PTPN23: variants seen among roughly 807,000 people sequenced by gnomAD.
PTPN23 encodes the protein tyrosine-protein phosphatase non-receptor type 23.
PTPN23 carries 72 observed loss-of-function variants against 156.3 expected under a neutral mutation model. The observed-to-expected ratio is 0.46, with a 90% CI of 0.38 to 0.56. The LOEUF is 0.56. Ranked by LOEUF, PTPN23 falls within the 20% of genes least tolerant of loss-of-function variation. The probability of loss-of-function intolerance (pLI) is 0.00; values close to 1 mark genes in which losing one functional copy is unlikely to be tolerated. For missense variants in PTPN23, 1,974 were observed against 2,171.5 expected, an observed-to-expected ratio of 0.91 and a Z score of 1.81; for synonymous variants, 957 against 899.6, an observed-to-expected ratio of 1.06 and a Z score of -1.14.
rs758419807 is a variant in PTPN23 at position 47,411,565 on chromosome 3, G to GC, written c.3773dup (p.Leu1259AlafsTer14). On this transcript the variant is annotated frameshift_variant, in exon 20 of 25. Transcript: ENST00000265562. LOFTEE classifies it high-confidence loss of function. The surrounding 1 kb of genome is among the most constrained non-coding windows in gnomAD (Gnocchi z 6.3). ...TGCGTGGAGGGGCTCTCCCCATACTGCCCCCCGCTAGTGGCAACCCAGGCC... is the reference window on the plus strand; with the variant it reads ...TGCGTGGAGGGGCTCTCCCCATACTGCCCCCCCGCTAGTGGCAACCCAGGCC... 4.3e-6 allele frequency: 7 copies of GC among 1,612,622 alleles called. No individual in the cohort carries two copies. Among genetic ancestry groups the GC allele is most frequent in the East Asian group, 4.5e-5 (2 of 44,868 alleles).
Position 47,405,612 on chromosome 3 carries a change from G to A in PTPN23, c.365-137G>A. ...TGAGTTTCCCTGTTCCCTCCAGCTT[G>A]GGTGTCCTTGGACTCGTTGCCCTGG... On this transcript the variant is annotated intron_variant, in intron 4 of 24. Coordinates refer to ENST00000265562, the MANE Select transcript of PTPN23 (RefSeq NM_015466.4). The surrounding 1 kb of genome is among the most constrained non-coding windows in gnomAD (Gnocchi z 4.7). 1 of 824,794 alleles carries A rather than the reference G, an allele frequency of 1.2e-6. No homozygotes were observed. Among genetic ancestry groups the A allele is most frequent in the East Asian group, 2.7e-5 (1 of 37,666 alleles). The allele number at this position is 824,794 out of a possible 1,614,324, so 51.1% of individuals were successfully genotyped here.
intron 2 of PTPN23, among the ~76,000 whole-genome samples, chr3:47,397,306 CAG>C (rs1226318399): frequency 6.6e-6 from 1 of 152,204 alleles, no homozygotes; most frequent in African/African-American, 2.4e-5. Flanking sequence ...ATGGTGCCGA[CAG>C]GCCTGTGTGA....
Position 47,412,346 on chromosome 3 carries a change from T to G in PTPN23, c.4242T>G (p.Ala1414=). ...ATGCAGCTGTGCAGGAGGTGGAGGC[T>G]GGGAACGGAATCCCTGAGCTGCCTC... The part of the protein sequence containing the change: ...LLYAAVQEVE[A]GNGIPELPQL... Residue 1414 remains alanine (A), a synonymous_variant, in exon 23 of 25, where the codon GCT becomes GCG. Coordinates refer to ENST00000265562, the MANE Select transcript of PTPN23 (RefSeq NM_015466.4). The G allele has an allele frequency of 6.2e-7, 1 of 1,613,306 alleles. No individual in the cohort carries two copies. Among genetic ancestry groups the G allele is most frequent in the Non-Finnish European group, 8.5e-7 (1 of 1,180,018 alleles).
intron 1 of PTPN23, among the ~76,000 whole-genome samples, chr3:47,386,045 C>G (rs961796521): frequency 3.9e-5 from 6 of 152,182 alleles, no homozygotes; most frequent in Non-Finnish European, 8.8e-5. Flanking sequence ...CATTAGGGTC[C>G]TCTCAGCCAC....
chr3:47,408,100 G>A (rs1336007225), intron 14 of PTPN23, 145 bp downstream of exon 14: 42 of 1,057,932 alleles, frequency 4.0e-5, no homozygotes, highest in Non-Finnish European at 8.4e-6. Flanking sequence ...TGGGGTGGTG[G>A]GGCTAGTGTG....
intron 1 of PTPN23, among the ~76,000 whole-genome samples, chr3:47,385,753 G>A (rs1704639875): frequency 6.6e-6 from 1 of 152,174 alleles, no homozygotes; most frequent in African/African-American, 2.4e-5. Context: ...ATCCTCAAGT[G>A]CAGGTGTACA....
intron 2 of PTPN23, among the ~76,000 whole-genome samples, chr3:47,403,372 TCCC>T (rs373111084): frequency 6.6e-6 from 1 of 152,002 alleles, no homozygotes; most frequent in East Asian, 1.9e-4. Flanking sequence ...CTTTTTTTTT[TCCC>T]CCAATAGCAT....
chr3:47,402,067 C>T (rs1469917104), intron 2 of PTPN23, among the ~76,000 whole-genome samples: 1 of 152,134 alleles, frequency 6.6e-6, no homozygotes, highest in Non-Finnish European at 1.5e-5. Flanking sequence ...AGGTGTCAAG[C>T]CATCCCCCTC....
chr3:47,405,881 A>G lies in PTPN23; in HGVS notation c.415-34A>G, dbSNP rs199646630. ...AGTATGGATGAATCCTGACCCATGG[A>G]GTGGACACAGGCCATCCTCCCACTC... On this transcript the variant is annotated intron_variant, in intron 5 of 24. Coordinates refer to ENST00000265562, the MANE Select transcript of PTPN23 (RefSeq NM_015466.4). The surrounding 1 kb of genome is among the most constrained non-coding windows in gnomAD (Gnocchi z 4.7). 90 of 1,609,584 alleles carry G rather than the reference A, an allele frequency of 5.6e-5. No homozygotes were observed. The highest frequency in any genetic ancestry group is 1.3e-5 in the African/African-American group (1 of 74,882).
Position 47,399,553 on chromosome 3 carries a change from C to T in PTPN23, c.159+3336C>T, listed in dbSNP as rs147994130. Among the ~76,000 whole-genome samples the T allele has an allele frequency of 1.2e-4, 18 of 152,292 alleles. No individual in the cohort carries two copies. In the East Asian group the frequency reaches 1.5e-3, roughly 13 times the overall value. The stretch of plus-strand genomic sequence containing the variant: ...CACAGGCACACACTACACACAAGGA[C>T]GCAACACACCCTAGAAGGAGCATTA... On this transcript the variant is annotated intron_variant, in intron 2 of 24. Coordinates refer to ENST00000265562, the MANE Select transcript of PTPN23 (RefSeq NM_015466.4).
intron 1 of PTPN23, among the ~76,000 whole-genome samples, chr3:47,394,729 A>G (rs1352885992): frequency 1.3e-5 from 2 of 152,146 alleles, no homozygotes; most frequent in Admixed American, 6.6e-5. Flanking sequence ...TTCTTTTTAG[A>G]TTATATATCA....
At position 47,407,097 on chromosome 3, in the gene PTPN23, G is replaced by C. The variant is rs754804932; in HGVS notation, c.808-33G>C. On this transcript the variant is annotated intron_variant, in intron 9 of 24. Coordinates refer to ENST00000265562, the MANE Select transcript of PTPN23 (RefSeq NM_015466.4). The surrounding 1 kb of genome is among the most constrained non-coding windows in gnomAD (Gnocchi z 4.0). ...GAGGAGAAAGGGTCCAAGCAGAGGA[G>C]GACAGAGCAGGCTTTCCTGCCACCC... is the stretch of plus-strand genomic sequence containing the variant. 2.5e-6 allele frequency: 4 copies of C among 1,613,478 alleles called. No homozygotes were observed. The highest frequency in any genetic ancestry group is 3.4e-6 in the Non-Finnish European group (4 of 1,179,718).
At position 47,407,090 on chromosome 3, in the gene PTPN23, C is replaced by G; in HGVS notation, c.808-40C>G. On this transcript the variant is annotated intron_variant, in intron 9 of 24. Coordinates refer to ENST00000265562, the MANE Select transcript of PTPN23 (RefSeq NM_015466.4). This position sits in a 1 kb window ranked among gnomAD's most constrained non-coding sequence, Gnocchi z 4.0. ...GAGGCAGGAGGAGAAAGGGTCCAAG[C>G]AGAGGAGGACAGAGCAGGCTTTCCT... 6.2e-7 allele frequency: 1 copy of G among 1,612,700 alleles called. No homozygotes were observed. The highest frequency in any genetic ancestry group is 8.5e-7 in the Non-Finnish European group (1 of 1,179,008).
In PTPN23 at chr3:47,412,214, G is replaced by C; in HGVS notation, c.4178+16G>C. On this transcript the variant is annotated intron_variant, in intron 22 of 24. Coordinates refer to ENST00000265562, the MANE Select transcript of PTPN23 (RefSeq NM_015466.4). ...TGCACTGCAGGTAGAGGGTGGGCCT[G>C]AGGGTCTCTCCTCTATGGGCTCTTG... The C allele has an allele frequency of 1.9e-6, 3 of 1,613,274 alleles. No individual in the cohort carries two copies. The highest frequency in any genetic ancestry group is 2.5e-6 in the Non-Finnish European group (3 of 1,180,018).
At position 47,404,667 on chromosome 3, in the gene PTPN23, C is replaced by T; in HGVS notation, c.175C>T (p.Pro59Ser). ...ELLRQNAVRV[P>S]RDFEGCSVLR... ...TGCCCCCCAGAATGCTGTCCGTGTC[C>T]CACGAGACTTTGAGGGCTGTAGTGT... is the stretch of plus-strand genomic sequence containing the variant. The change falls in exon 3 of 25, where the codon CCA (proline) becomes TCA (serine). Residue 59 changes from proline (P) to serine (S), a missense_variant. By Grantham distance (74) the Pro-to-Ser change is moderately conservative. Around this residue, in one of 4 missense-constraint regions of PTPN23, gnomAD observed 726 missense variants for 929.5 expected, o/e 0.78. Transcript: ENST00000265562. The T allele has an allele frequency of 6.2e-7, 1 of 1,613,910 alleles. No homozygotes were observed. The highest frequency in any genetic ancestry group is 1.7e-5 in the Admixed American group (1 of 60,024).
intron 21 of PTPN23, 59 bp downstream of exon 21, chr3:47,412,026 T>C: frequency 6.2e-7 from 1 of 1,607,866 alleles, no homozygotes; most frequent in South Asian, 1.1e-5. Flanking sequence ...TCCTTGGTGC[T>C]GGGAGGGATG....
intron 2 of PTPN23, among the ~76,000 whole-genome samples, chr3:47,397,233 A>ATT (rs1704897880): frequency 6.6e-6 from 1 of 152,238 alleles, no homozygotes; most frequent in African/African-American, 2.4e-5. Context: ...AAAAGTTTGA[A>ATT]ATATTGTGAG....
chr3:47,397,271 G>A (rs1704898529), intron 2 of PTPN23, among the ~76,000 whole-genome samples: 1 of 152,236 alleles, frequency 6.6e-6, no homozygotes, highest in Admixed American at 6.5e-5. Context: ...ACAGAGTCAT[G>A]AAATGAGCAC....
At chr3:47,404,457 G>A (rs1705073994) in intron 2 of PTPN23, among the ~76,000 whole-genome samples, 195 bp from the exon 3 acceptor site, 1 of 148,198 alleles carries the variant, frequency 6.7e-6, no homozygotes, top group Admixed American at 6.8e-5. Context: ...GATAGATTCA[G>A]TCGGCCAGCT....
Sources: gnomAD v4.1 joint callset for allele counts (sites outside exome capture counted in the v4.1 genomes callset) on GRCh38, gnomAD v4.1.1 for gene constraint, gnomAD v4.1.1 regional missense constraint, Gnocchi (gnomAD v3.1) non-coding constraint, MANE v1.5 for transcripts, NCBI Gene and HGNC (gene_info 2026-07-23, HGNC 2026-07-21) for gene names.